Variants in UNC79 observed in about 807,000 individuals in gnomAD.
The protein encoded by UNC79 is unc-79 subunit of NALCN channel complex, also known as protein unc-79 homolog.
A neutral mutation model predicts 283.1 loss-of-function variants in UNC79; 37 were observed. The ratio of observed to expected loss-of-function variants is 0.13; its 90% CI spans 0.10 to 0.17. The LOEUF (loss-of-function observed/expected upper bound fraction) is 0.17, where lower values mean the gene tolerates loss of function less well. UNC79 is among the 10% of genes least tolerant of loss of function. The probability of loss-of-function intolerance (pLI) is 1.00; values close to 1 mark genes in which losing one functional copy is unlikely to be tolerated. For synonymous variants in UNC79, 1,107 were observed against 1,200.2 expected (o/e 0.92, Z 1.61); for missense variants, 2,272 against 3,211.1 (o/e 0.71, Z 7.07).
intron 1 of UNC79, among the ~76,000 whole-genome samples, chr14:93,374,739 G>T (rs895223421): frequency 1.3e-5 from 2 of 152,124 alleles, no homozygotes; most frequent in African/African-American, 4.8e-5. Context: ...TAGAGACAGG[G>T]TCTAACTACG....
In UNC79 at chr14:93,600,799, C is replaced by T. The variant is rs372833782; in HGVS notation, c.3574+29C>T. The T allele has an allele frequency of 2.5e-6, 4 of 1,604,768 alleles. No individual in the cohort carries two copies. The African/African-American group carries it at 5.4e-5, about 21-fold the overall frequency. On this transcript the variant is annotated intron_variant, in intron 25 of 48. Transcript: ENST00000555664. ...AGTAAAATGAAGAACTTGCTGTAAA[C>T]CGTTGCAGTTCCCATTGTGCTTGCC...
chr14:93,532,495 A>C, intron 10 of UNC79, 55 bp from the exon 11 acceptor site: 1 of 1,577,418 alleles, frequency 6.3e-7, no homozygotes, highest in South Asian at 1.2e-5. Context: ...TAATTAAATA[A>C]AAATTAGAGG....
intron 1 of UNC79, among the ~76,000 whole-genome samples, chr14:93,411,837 A>G (rs1056465003): frequency 1.2e-4 from 18 of 152,224 alleles, no homozygotes; most frequent in Admixed American, 3.3e-4. Context: ...AAACAAGACC[A>G]GACCAGGAAA....
At chr14:93,698,138 G>A (rs989725209) in intron 47 of UNC79, among the ~76,000 whole-genome samples, 4 of 152,074 alleles carry the variant, frequency 2.6e-5, no homozygotes, top group African/African-American at 9.7e-5. Flanking sequence ...CTTGCTTTAT[G>A]GCCCAGAATA....
At chr14:93,478,565 G>A (rs2140364836) in intron 4 of UNC79, among the ~76,000 whole-genome samples, 1 of 152,098 alleles carries the variant, frequency 6.6e-6, no homozygotes, top group Non-Finnish European at 1.5e-5. Flanking sequence ...ATGACTTTAG[G>A]CAAATTACCC....
At chr14:93,704,772 A>T in intron 48 of UNC79, 106 bp downstream of exon 51, 3 of 1,397,538 alleles carry the variant, frequency 2.1e-6, no homozygotes, top group Non-Finnish European at 2.0e-6. Flanking sequence ...GATGAATTCA[A>T]CCTGCTCCTG....
rs71129647 is a variant in UNC79, at chr14:93,558,593, A to AT, written c.1756-13257dup. Among the ~76,000 whole-genome samples, 177 of 62,764 alleles carry AT rather than the reference A, an allele frequency of 2.8e-3. 3 individuals are homozygous for AT. The highest frequency in any genetic ancestry group is 3.6e-3 in the African/African-American group (49 of 13,610). 41.2% of individuals were successfully genotyped at this position (62,764 alleles called of 152,430 possible). ...AATCTTGTAGAGGAGAGAAACAGGG[A>AT]TTTTTTTTTTTTTTTTTTTTTTTTT... On this transcript the variant is annotated intron_variant, in intron 14 of 48. Coordinates refer to ENST00000555664, the Ensembl canonical transcript of UNC79.
chr14:93,514,312 C>T (rs116577973), intron 7 of UNC79, among the ~76,000 whole-genome samples: 2,078 of 152,222 alleles, frequency 0.014, 58 homozygotes, highest in African/African-American at 0.048. Flanking sequence ...TATGAACAAC[C>T]CTATGTCTAC....
rs761334224 is a variant in UNC79, at chr14:93,464,537, G to C, written c.23-3134G>C. 32 of 456,240 alleles carry C rather than the reference G, an allele frequency of 7.0e-5. No homozygotes were observed. The East Asian group carries it at 1.6e-3, about 23-fold the overall frequency. The allele number at this position is 456,240 out of a possible 1,614,324, so 28.3% of individuals were successfully genotyped here. On this transcript the variant is annotated intron_variant, in intron 1 of 48. Coordinates refer to ENST00000555664, the Ensembl canonical transcript of UNC79. Reference sequence around the variant, plus strand: ...ATCTCTGGGTACAGTCACATTTTGAGGTTAAGGTTTCAACATATGAATTCT... The same window carrying C: ...ATCTCTGGGTACAGTCACATTTTGACGTTAAGGTTTCAACATATGAATTCT...
chr14:93,492,009 G>T (rs1264134540), intron 5 of UNC79, among the ~76,000 whole-genome samples: 1 of 152,154 alleles, frequency 6.6e-6, no homozygotes, highest in East Asian at 1.9e-4. Flanking sequence ...AGCACAACTG[G>T]CAACTTGATC....
At position 93,474,294 on chromosome 14, in the gene UNC79, G is replaced by T. The variant is rs1398544600; in HGVS notation, c.349G>T (p.Ala117Ser). The T allele has an allele frequency of 1.3e-6, 2 of 1,535,940 alleles. No homozygotes were observed. Among genetic ancestry groups the T allele is most frequent in the African/African-American group, 2.7e-5 (2 of 73,026 alleles). Residue 117 changes from alanine to serine, a missense_variant, in exon 3 of 49, where the codon GCT (alanine) becomes TCT (serine). Physicochemically the swap from Ala to Ser is moderately conservative, Grantham distance 99. This residue lies in a region of UNC79 where 194 missense variants were observed against 268.9 expected (regional missense o/e 0.72). Transcript: ENST00000555664. The surrounding 1 kb of genome is among the most constrained non-coding windows in gnomAD (Gnocchi z 4.1). ...AGAACGCGGCCCGCAAAGTCGTGAT[G>T]CTCAGTTGTCAGACTACCCTTCTTT...
intron 1 of UNC79, among the ~76,000 whole-genome samples, chr14:93,455,992 T>G (rs1283160926): frequency 6.6e-6 from 1 of 151,010 alleles, no homozygotes; most frequent in African/African-American, 2.4e-5. Flanking sequence ...AGGAGGAGGG[T>G]TCAGGTGACT....
chr14:93,431,076 C>G (rs1232456182), intron 1 of UNC79, 25 bp downstream of exon 1: 1 of 699,680 alleles, frequency 1.4e-6, no homozygotes, highest in Admixed American at 2.0e-5. Context: ...GCCCGGCATT[C>G]CGGCCCGGCC....
At chr14:93,502,205 A>G (rs1412783153) in intron 7 of UNC79, among the ~76,000 whole-genome samples, 1 of 152,128 alleles carries the variant, frequency 6.6e-6, no homozygotes, top group African/African-American at 2.4e-5. Flanking sequence ...CCAGGTCAGG[A>G]GATCGAGACC....
Position 93,582,328 on chromosome 14 carries a change from G to A in UNC79, c.2787G>A (p.Glu929=), listed in dbSNP as rs568643633. The stretch of plus-strand genomic sequence containing the variant: ...GGGAGAACCCAGGCAACTGCACCGA[G>A]CCCGTGGAACATGCTGGTAGGTGTG... The change falls in exon 20 of 49, where the codon GAG becomes GAA. Residue 929 remains glutamate (E), a synonymous_variant. Transcript: ENST00000555664. The A allele has an allele frequency of 7.5e-5, 121 of 1,614,142 alleles. 1 individual carries two copies. In the South Asian group the frequency reaches 1.3e-3, roughly 17 times the overall value.
intron 5 of UNC79, among the ~76,000 whole-genome samples, chr14:93,493,191 G>C (rs758145873): frequency 2.0e-5 from 3 of 152,204 alleles, no homozygotes; most frequent in East Asian, 1.9e-4. Flanking sequence ...GGCCTACAAG[G>C]GGGGGCGGTT....
At chr14:93,659,325 G>A in intron 39 of UNC79, 64 bp downstream of exon 42, 6 of 1,326,376 alleles carry the variant, frequency 4.5e-6, no homozygotes, top group Non-Finnish European at 6.3e-6. Context: ...TAATGAGATA[G>A]GCTTGTAGCA....
At position 93,642,010 on chromosome 14, in the gene UNC79, G is replaced by T. The variant is rs569938211; in HGVS notation, c.5903+763G>T. ...CCTTGCCTTCCACCATGATTGTGAG[G>T]CCACTCCAGCCATGTGGAACTGAGA... On this transcript the variant is annotated intron_variant, in intron 33 of 48. Transcript: ENST00000555664. 4.6e-5 allele frequency among the ~76,000 whole-genome samples: 7 copies of T among 151,322 alleles called. No individual in the cohort carries two copies. In the South Asian group the frequency reaches 1.5e-3, roughly 32 times the overall value.
intron 14 of UNC79, among the ~76,000 whole-genome samples, chr14:93,562,622 A>C (rs1169455852): frequency 6.6e-6 from 1 of 152,178 alleles, no homozygotes; most frequent in Non-Finnish European, 1.5e-5. Context: ...AGAGATATGA[A>C]GGTTCCACTG....
Sources: gnomAD v4.1 joint callset for allele counts (sites outside exome capture counted in the v4.1 genomes callset) on GRCh38, gnomAD v4.1.1 for gene constraint, gnomAD v4.1.1 regional missense constraint, Gnocchi (gnomAD v3.1) non-coding constraint, MANE v1.5 for transcripts, NCBI Gene and HGNC (gene_info 2026-07-23, HGNC 2026-07-21) for gene names.